Variants in CES5A observed in about 807,000 individuals in gnomAD.
CES5A encodes the protein carboxylesterase 5.
Under a neutral mutation model 62.9 loss-of-function variants are expected in CES5A, and 67 were observed. That is an observed-to-expected ratio of 1.07 (90% CI 0.88 to 1.31). CES5A has a LOEUF of 1.31. CES5A is among the 50% of genes most tolerant of loss of function. The probability of loss-of-function intolerance (pLI) is 0.00; values close to 1 mark genes in which losing one functional copy is unlikely to be tolerated. For synonymous variants in CES5A, 296 were observed against 280.8 expected, an observed-to-expected ratio of 1.05 and a Z score of -0.54; for missense variants, 748 against 708.5, an observed-to-expected ratio of 1.06 and a Z score of -0.63.
chr16:55,901,530 T>G (rs1472204144), intron 1 of CES5A, among the ~76,000 whole-genome samples: 9 of 152,330 alleles, frequency 5.9e-5, no homozygotes, highest in African/African-American at 1.9e-4. Context: ...ACCATACAGT[T>G]TGGGAAGCAA....
chr16:55,932,607 C>T (rs2034326866), intron 2 of CES5A, among the ~76,000 whole-genome samples: 1 of 151,972 alleles, frequency 6.6e-6, no homozygotes, highest in African/African-American at 2.4e-5. Flanking sequence ...AGGGAGTCCT[C>T]TCTGAGAAGG....
At position 55,871,637 on chromosome 16, in the gene CES5A, G is replaced by T. The variant is rs373069588; in HGVS notation, c.405C>A (p.Gly135=). Residue 135 remains glycine (G), a synonymous_variant, in exon 3 of 13, where the codon GGC becomes GGA. Transcript: ENST00000290567. ...NIYAPAHADT[G]SKLPVLVWFP... is the part of the protein sequence containing the mutation. ...CAGGCAGCCTTACGGGGAGCTTGGA[G>T]CCTGTATCGGCGTGGGCAGGCGCAT... 5.6e-6 allele frequency: 9 copies of T among 1,614,018 alleles called. No homozygotes were observed. The highest frequency in any genetic ancestry group is 1.7e-4 in the Middle Eastern group (1 of 6,044).
At chr16:55,864,609 G>A (rs748911112) in intron 5 of CES5A, among the ~76,000 whole-genome samples, 16 of 152,140 alleles carry the variant, frequency 1.1e-4, no homozygotes, top group Non-Finnish European at 1.9e-4. Flanking sequence ...AAATATTGCT[G>A]TCAGGCCAGG....
chr16:55,882,353 C>T (rs972640142), intron 1 of CES5A, among the ~76,000 whole-genome samples: 4 of 152,144 alleles, frequency 2.6e-5, no homozygotes, highest in African/African-American at 9.7e-5. Flanking sequence ...TGCACAGAGG[C>T]GATTCTCAAA....
chr16:55,938,789 T>C (rs1180718146), intron 2 of CES5A, among the ~76,000 whole-genome samples: 2 of 67,114 alleles, frequency 3.0e-5, no homozygotes, highest in East Asian at 2.7e-4. Context: ...TATATATATA[T>C]ATATATATAC....
chr16:55,863,499 C>T, intron 5 of CES5A, 47 bp from the exon 6 acceptor site: 1 of 915,212 alleles, frequency 1.1e-6, no homozygotes, highest in Non-Finnish European at 1.8e-6. Flanking sequence ...TCCCCACCAA[C>T]ACACATACCA....
In CES5A at chr16:55,863,443, G is replaced by A; in HGVS notation, c.715C>T (p.Pro239Ser). ...AISVSSLILS[P>S]MAKGLFHKAI... ...TTGTGGAATAAGCCTTTGGCCATGG[G>A]AGACAGTATCTGGAGAGAGAACACA... The change falls in exon 6 of 13, where the codon CCC becomes TCC. Residue 239 changes from proline to serine, a missense_variant. Coordinates refer to ENST00000290567, the MANE Select transcript of CES5A (RefSeq NM_001143685.2). 6.3e-7 allele frequency: 1 copy of A among 1,579,500 alleles called. No homozygotes were observed. The highest frequency in any genetic ancestry group is 1.3e-5 in the African/African-American group (1 of 74,306).
At chr16:55,868,196 T>C (rs1402233360) in intron 4 of CES5A, among the ~76,000 whole-genome samples, 1 of 152,178 alleles carries the variant, frequency 6.6e-6, no homozygotes, top group Non-Finnish European at 1.5e-5. Context: ...TATTGAAAGC[T>C]CTTCTACCAA....
intron 2 of CES5A, among the ~76,000 whole-genome samples, chr16:55,931,673 G>C (rs2034313323): frequency 6.6e-6 from 1 of 152,002 alleles, no homozygotes; most frequent in Non-Finnish European, 1.5e-5. Context: ...CTGTCCTTTG[G>C]GGCCTGCCTC....
At chr16:55,948,270 G>A (rs1381894029) in intron 2 of CES5A, among the ~76,000 whole-genome samples, 3 of 152,076 alleles carry the variant, frequency 2.0e-5, no homozygotes, top group Non-Finnish European at 4.4e-5. Flanking sequence ...AAAAAAAAGA[G>A]GGAGGATATG....
intron 2 of CES5A, among the ~76,000 whole-genome samples, chr16:55,938,001 T>C (rs987199988): frequency 2.0e-4 from 31 of 152,124 alleles, no homozygotes; most frequent in African/African-American, 6.8e-4. Flanking sequence ...ACTTTTCCTT[T>C]CCCATTTTTA....
chr16:55,874,333 T>G (rs2142416482), intron 1 of CES5A, among the ~76,000 whole-genome samples: 1 of 152,280 alleles, frequency 6.6e-6, no homozygotes, highest in African/African-American at 2.4e-5. Context: ...AGCGCTTTCT[T>G]TCTACAGGAT....
chr16:55,875,379 CAA>C (rs2033677348), upstream of CES5A: 2 of 1,424,754 alleles, frequency 1.4e-6, no homozygotes, highest in Admixed American at 6.0e-5. Context: ...ACAATATTCT[CAA>C]AGGAATTGAC....
chr16:55,905,726 A>G (rs1410463275), intron 1 of CES5A, among the ~76,000 whole-genome samples: 2 of 151,974 alleles, frequency 1.3e-5, no homozygotes, highest in African/African-American at 4.8e-5. Context: ...CCCCAGGAAA[A>G]CACTGTCCTG....
intron 2 of CES5A, among the ~76,000 whole-genome samples, chr16:55,943,824 C>A (rs760784189): frequency 6.6e-6 from 1 of 152,148 alleles, no homozygotes; most frequent in Non-Finnish European, 1.5e-5. Context: ...GTGATGTCAG[C>A]CTAGTCATTC....
intron 1 of CES5A, among the ~76,000 whole-genome samples, chr16:55,918,540 A>T (rs1484713411): frequency 1.3e-5 from 2 of 152,204 alleles, no homozygotes; most frequent in Admixed American, 1.3e-4. Context: ...CATTTCCCAC[A>T]TATGGCACTA....
chr16:55,847,870 A>G (rs1396285586), intron 11 of CES5A, among the ~76,000 whole-genome samples: 1 of 152,200 alleles, frequency 6.6e-6, no homozygotes, highest in Non-Finnish European at 1.5e-5. Flanking sequence ...AAACACTAGA[A>G]GTAGAATTGC....
chr16:55,856,839 TAATCCA>T (rs2033254207), intron 8 of CES5A, among the ~76,000 whole-genome samples: 1 of 152,376 alleles, frequency 6.6e-6, no homozygotes, highest in Admixed American at 6.5e-5. Context: ...GAGTGGGTCC[TAATCCA>T]ATCTGGCTGA....
intron 2 of CES5A, among the ~76,000 whole-genome samples, chr16:55,948,849 G>A (rs1284331131): frequency 6.6e-6 from 1 of 152,166 alleles, no homozygotes; most frequent in Non-Finnish European, 1.5e-5. Flanking sequence ...TGTGGTGTTA[G>A]AGTTTGAGGT....
Sources: gnomAD v4.1 joint callset for allele counts (sites outside exome capture counted in the v4.1 genomes callset) on GRCh38, gnomAD v4.1.1 for gene constraint, MANE v1.5 for transcripts, NCBI Gene and HGNC (gene_info 2026-07-23, HGNC 2026-07-21) for gene names.